Variants in EGF observed in about 807,000 individuals in gnomAD.
EGF encodes epidermal growth factor.
Under a neutral mutation model 143.8 loss-of-function variants are expected in EGF, and 95 were observed. The observed-to-expected ratio is 0.66, with a 90% CI of 0.56 to 0.78. The LOEUF (loss-of-function observed/expected upper bound fraction) is 0.78, where lower values mean the gene tolerates loss of function less well. Among genes scored for constraint, EGF ranks in the 30% least tolerant of loss-of-function variants. The pLI, the probability that EGF is intolerant of heterozygous loss-of-function variation, is 0.00. For missense variants in EGF, 1,320 were observed against 1,470.9 expected (o/e 0.90, Z 1.68); for synonymous variants, 510 against 510.5 (o/e 1.00, Z 0.01).
intron 1 of EGF, among the ~76,000 whole-genome samples, chr4:109,933,376 C>G (rs1482278046): frequency 6.6e-6 from 1 of 151,666 alleles, no homozygotes; most frequent in African/African-American, 2.4e-5. Context: ...ATTTCAAACT[C>G]TCATAATCTT....
At position 109,943,827 on chromosome 4, in the gene EGF, T is replaced by C. The variant is rs1742346020; in HGVS notation, c.510-15T>C. The C allele has an allele frequency of 1.2e-6, 2 of 1,611,950 alleles. No homozygotes were observed. The highest frequency in any genetic ancestry group is 8.5e-7 in the Non-Finnish European group (1 of 1,178,042). ...TACATTCATTTTTGGGTCTATGTAA[T>C]GTGTTTGCCCTCAGGTTTATATTTT... On this transcript the variant is annotated splice_polypyrimidine_tract_variant and intron_variant, in intron 3 of 23. Coordinates refer to ENST00000265171, the MANE Select transcript of EGF (RefSeq NM_001963.6).
Position 109,963,242 on chromosome 4 carries a change from G to A in EGF, c.1382G>A (p.Cys461Tyr). The change falls in exon 9 of 24, where the codon TGT becomes TAT. Residue 461 changes from cysteine to tyrosine, a missense_variant. By Grantham distance (194) the Cys-to-Tyr change is radical. Coordinates refer to ENST00000265171, the MANE Select transcript of EGF (RefSeq NM_001963.6). ...CVPLSPVSWE[C>Y]DCFPGYDLQL... The stretch of plus-strand genomic sequence containing the variant: ...CCTCTTAGCCCAGTATCCTGGGAAT[G>A]TGATTGCTTTCCTGGGTATGACCTA... 1 of 1,614,050 alleles carries A rather than the reference G, an allele frequency of 6.2e-7. No individual in the cohort carries two copies. The highest frequency in any genetic ancestry group is 1.1e-5 in the South Asian group (1 of 91,080).
In EGF at chr4:109,987,723, C is replaced by T. The variant is rs370091018; in HGVS notation, c.2492-21C>T. ...TCTCTAAGGTCTAGAAATAACTGCACGGGATTCTTGCTATTTGTAGATCAA... is the reference window on the plus strand; with the variant it reads ...TCTCTAAGGTCTAGAAATAACTGCATGGGATTCTTGCTATTTGTAGATCAA... On this transcript the variant is annotated intron_variant, in intron 16 of 23. Coordinates refer to ENST00000265171, the MANE Select transcript of EGF (RefSeq NM_001963.6). 97 of 1,588,222 alleles carry T rather than the reference C, an allele frequency of 6.1e-5. 1 individual carries two copies. Among genetic ancestry groups the T allele is most frequent in the South Asian group, 4.9e-4 (44 of 90,558 alleles).
chr4:109,961,503 G>A (rs1044598193), intron 7 of EGF, among the ~76,000 whole-genome samples: 34 of 152,022 alleles, frequency 2.2e-4, no homozygotes, highest in Non-Finnish European at 1.5e-4. Flanking sequence ...ATATTTCATT[G>A]TCTATCTCTT....
At chr4:109,921,940 G>C (rs1312066939) in intron 1 of EGF, among the ~76,000 whole-genome samples, 1 of 151,504 alleles carries the variant, frequency 6.6e-6, no homozygotes, top group African/African-American at 2.4e-5. Flanking sequence ...CCAATCCTCT[G>C]CTCTTCCAGC....
At chr4:109,925,152 T>G (rs1339317736) in intron 1 of EGF, among the ~76,000 whole-genome samples, 1 of 152,220 alleles carries the variant, frequency 6.6e-6, no homozygotes, top group East Asian at 1.9e-4. Context: ...ATATTATTGG[T>G]GAAACACTTG....
At position 109,979,979 on chromosome 4, in the gene EGF, A is replaced by G. The variant is rs1228410820; in HGVS notation, c.2061A>G (p.Pro687=). Residue 687 remains proline (P), a synonymous_variant, in exon 14 of 24, where the codon CCA becomes CCG. Transcript: ENST00000265171. ...AACTTGAATTGTTTCCAGGTCACCC[A>G]TTTGCTGTAGCAGTGTTTGAGGATT... ...RRLTQNDVGH[P]FAVAVFEDYV... 1 of 1,614,026 alleles carries G rather than the reference A, an allele frequency of 6.2e-7. No homozygotes were observed. The highest frequency in any genetic ancestry group is 1.3e-5 in the African/African-American group (1 of 75,050).
intron 1 of EGF, among the ~76,000 whole-genome samples, chr4:109,933,674 T>C (rs1306847804): frequency 6.6e-6 from 1 of 152,214 alleles, no homozygotes; most frequent in African/African-American, 2.4e-5. Flanking sequence ...CATGCGGTGT[T>C]TGGTTTTCTG....
rs1439676927 is a variant in EGF, at chr4:110,012,973, A to C, written c.*1518A>C. 6.6e-6 allele frequency among the ~76,000 whole-genome samples: 1 copy of C among 152,220 alleles called. No homozygotes were observed. Among genetic ancestry groups the C allele is most frequent in the African/African-American group, 2.4e-5 (1 of 41,452 alleles). On this transcript the variant is annotated 3_prime_UTR_variant, in exon 24 of 24. Coordinates refer to ENST00000265171, the MANE Select transcript of EGF (RefSeq NM_001963.6). ...AAAGAAATTGAAGTACCTGTTTTCA[A>C]ATGGATACTTTATAGGAATTTTGGT... is the stretch of plus-strand genomic sequence containing the variant.
Position 109,964,389 on chromosome 4 carries a change from T to C in EGF, c.1439-12T>C. On this transcript the variant is annotated splice_polypyrimidine_tract_variant and intron_variant, in intron 9 of 23. Transcript: ENST00000265171. Reference sequence around the variant, plus strand: ...GTTTTAAATTCAGCCATATTTGAAATTTGGTTAACAGGACCACAACCATTT... The same window carrying C: ...GTTTTAAATTCAGCCATATTTGAAACTTGGTTAACAGGACCACAACCATTT... 6.2e-7 allele frequency: 1 copy of C among 1,613,802 alleles called. No homozygotes were observed.
intron 18 of EGF, among the ~76,000 whole-genome samples, chr4:109,989,545 A>G (rs987563072): frequency 3.9e-5 from 6 of 152,118 alleles, no homozygotes; most frequent in Admixed American, 3.3e-4. Flanking sequence ...ATAACTATCA[A>G]TCTTTTGAAT....
At chr4:109,934,832 T>C (rs1188159086) in intron 1 of EGF, among the ~76,000 whole-genome samples, 1 of 152,186 alleles carries the variant, frequency 6.6e-6, no homozygotes, top group Non-Finnish European at 1.5e-5. Context: ...CTTTCCCTAT[T>C]GCTCGTTTTT....
intron 1 of EGF, among the ~76,000 whole-genome samples, chr4:109,926,692 C>A (rs1054903735): frequency 1.3e-5 from 2 of 152,094 alleles, no homozygotes; most frequent in Non-Finnish European, 2.9e-5. Flanking sequence ...AAGAAAAGGA[C>A]AAGTGTTTAA....
At position 109,970,742 on chromosome 4, in the gene EGF, G is replaced by T. The variant is rs148725450; in HGVS notation, c.1724+1623G>T. Among the ~76,000 whole-genome samples the T allele has an allele frequency of 3.5e-3, 524 of 149,698 alleles. 4 individuals are homozygous for T. Among genetic ancestry groups the T allele is most frequent in the African/African-American group, 0.012 (496 of 40,478 alleles). On this transcript the variant is annotated intron_variant, in intron 11 of 23. Coordinates refer to ENST00000265171, the MANE Select transcript of EGF (RefSeq NM_001963.6). ...CAGGAGGCTGAGGCAGGAGAATGGC[G>T]TGAACCTGGAAGGCGGAGCTTGCAG...
intron 4 of EGF, among the ~76,000 whole-genome samples, 179 bp downstream of exon 4, chr4:109,944,248 G>A (rs888270584): frequency 6.6e-6 from 1 of 152,172 alleles, no homozygotes; most frequent in African/African-American, 2.4e-5. Context: ...GACCATCCTG[G>A]CTAACACGGT....
Position 109,975,992 on chromosome 4 carries a change from G to C in EGF, c.1830-20G>C. 6.2e-7 allele frequency: 1 copy of C among 1,600,162 alleles called. No individual in the cohort carries two copies. The highest frequency in any genetic ancestry group is 1.7e-5 in the Admixed American group (1 of 60,004). On this transcript the variant is annotated intron_variant, in intron 12 of 23. Transcript: ENST00000265171. ...TTATTTCATGCAGATATTATTTGTT[G>C]TGTGCTTTCTTGATTAAAGGAGATT...
chr4:109,970,820 G>A (rs567293079), intron 11 of EGF, among the ~76,000 whole-genome samples: 15 of 76,278 alleles, frequency 2.0e-4, no homozygotes, highest in South Asian at 9.7e-4. Flanking sequence ...GCGAGACTCC[G>A]TCTCAAAAAA....
chr4:109,994,471 C>T (rs1751488725), intron 19 of EGF, among the ~76,000 whole-genome samples: 1 of 152,106 alleles, frequency 6.6e-6, no homozygotes. Flanking sequence ...ATTCACATGG[C>T]GACTTAGGAC....
intron 11 of EGF, among the ~76,000 whole-genome samples, chr4:109,971,254 G>A (rs2126089313): frequency 6.6e-6 from 1 of 152,248 alleles, no homozygotes; most frequent in East Asian, 1.9e-4. Context: ...TTAACATATG[G>A]TTGACTCAGA....
Sources: gnomAD v4.1 joint callset for allele counts (sites outside exome capture counted in the v4.1 genomes callset) on GRCh38, gnomAD v4.1.1 for gene constraint, MANE v1.5 for transcripts, NCBI Gene and HGNC (gene_info 2026-07-23, HGNC 2026-07-21) for gene names.